Variants in CLIP4 observed in about 807,000 individuals in gnomAD.
CLIP4 encodes the protein CAP-Gly domain-containing linker protein 4.
CLIP4 carries 47 observed loss-of-function variants against 73.1 expected under a neutral mutation model. That is an observed-to-expected ratio of 0.64 (90% CI 0.51 to 0.82). The LOEUF (loss-of-function observed/expected upper bound fraction) is 0.82, where lower values mean the gene tolerates loss of function less well. CLIP4 is among the 40% of genes least tolerant of loss of function. The probability of loss-of-function intolerance (pLI) is 0.00; values close to 1 mark genes in which losing one functional copy is unlikely to be tolerated. For missense variants in CLIP4, 874 were observed against 852.9 expected (o/e 1.02, Z -0.31); for synonymous variants, 306 against 295.4 (o/e 1.04, Z -0.37).
upstream of CLIP4, among the ~76,000 whole-genome samples, chr2:29,112,755 C>T (rs968750315): frequency 2.0e-5 from 3 of 152,268 alleles, no homozygotes; most frequent in African/African-American, 7.2e-5. Context: ...TAGTTGAACT[C>T]CAATCTGGTG....
chr2:29,144,181 G>A (rs1040994878), intron 7 of CLIP4, among the ~76,000 whole-genome samples: 1 of 152,174 alleles, frequency 6.6e-6, no homozygotes, highest in Non-Finnish European at 1.5e-5. Flanking sequence ...AGAGTGGAGT[G>A]GAGTAGAACT....
At chr2:29,122,002 T>C (rs932679463) in intron 2 of CLIP4, among the ~76,000 whole-genome samples, 1 of 152,164 alleles carries the variant, frequency 6.6e-6, no homozygotes, top group African/African-American at 2.4e-5. Context: ...TATTTAGGCT[T>C]ATTTCTCCAG....
chr2:29,150,294 T>G (rs1558553426), intron 8 of CLIP4, among the ~76,000 whole-genome samples: 2 of 152,134 alleles, frequency 1.3e-5, no homozygotes, highest in African/African-American at 4.8e-5. Flanking sequence ...GAAGAGAAAG[T>G]ACAAAAAGGT....
Position 29,143,701 on chromosome 2 carries a change from A to T in CLIP4, c.649-8A>T. ...AGTTGAACATTTTTCTCTTATCTTT[A>T]TTTGTAGAATGACAAAGGACAGATC... On this transcript the variant is annotated splice_polypyrimidine_tract_variant and splice_region_variant and intron_variant, in intron 6 of 15. Transcript: ENST00000320081. The T allele has an allele frequency of 6.3e-7, 1 of 1,579,632 alleles. No homozygotes were observed. The highest frequency in any genetic ancestry group is 8.7e-7 in the Non-Finnish European group (1 of 1,149,402).
chr2:29,175,757 CTTTT>C (rs1276433868), intron 15 of CLIP4, among the ~76,000 whole-genome samples: 1 of 151,996 alleles, frequency 6.6e-6, no homozygotes, highest in Non-Finnish European at 1.5e-5. Context: ...AAACTTTTTT[CTTTT>C]TTTAATTTTT....
In CLIP4 at chr2:29,181,751, G is replaced by A. The variant is rs140795468; in HGVS notation, c.1976G>A (p.Arg659Gln). 5.6e-5 allele frequency: 90 copies of A among 1,614,000 alleles called. 1 individual carries two copies. In the Middle Eastern group the frequency reaches 2.1e-3, roughly 38 times the overall value. Residue 659 changes from arginine to glutamine, a missense_variant, in exon 16 of 16, where the codon CGA (arginine) becomes CAA (glutamine). Arg to Gln is a conservative substitution (Grantham distance 43, BLOSUM62 1). Transcript: ENST00000320081. ...ASGIWLGLEL[R>Q]SAKGKNDGSV... ...GGTATCTGGCTTGGACTTGAGCTCC[G>A]AAGCGCCAAGGGAAAAAATGATGGG...
At chr2:29,159,683 T>TAA (rs56927221) in intron 11 of CLIP4, among the ~76,000 whole-genome samples, 5,818 of 113,938 alleles carry the variant, frequency 0.051, 391 homozygotes, top group African/African-American at 0.16. Flanking sequence ...CCTGTTTCTT[T>TAA]AAAAAAAAAA....
At chr2:29,137,624 T>C (rs1210291403) in intron 6 of CLIP4, among the ~76,000 whole-genome samples, 1 of 152,212 alleles carries the variant, frequency 6.6e-6, no homozygotes, top group African/African-American at 2.4e-5. Flanking sequence ...CTGAACCAAT[T>C]TACATTCCCA....
intron 4 of CLIP4, 122 bp from the exon 5 acceptor site, chr2:29,133,532 AT>A (rs1665129316): frequency 2.6e-6 from 2 of 769,804 alleles, no homozygotes; most frequent in East Asian, 5.8e-5. Context: ...TGCAAGTGAA[AT>A]TTTTGAAGTG....
At chr2:29,120,392 A>G (rs1664172966) in intron 1 of CLIP4, among the ~76,000 whole-genome samples, 1 of 152,162 alleles carries the variant, frequency 6.6e-6, no homozygotes, top group Non-Finnish European at 1.5e-5. Flanking sequence ...GGTAAGGATA[A>G]TTGAGTTAGA....
At chr2:29,130,592 G>GTC in intron 2 of CLIP4, 2 of 1,116,406 alleles carry the variant, frequency 1.8e-6, no homozygotes, top group Non-Finnish European at 2.2e-6. Context: ...GCCAAGGTTT[G>GTC]TCTTGGCTTC....
intron 12 of CLIP4, among the ~76,000 whole-genome samples, chr2:29,163,071 A>G (rs532066455): frequency 6.6e-6 from 1 of 152,154 alleles, no homozygotes; most frequent in African/African-American, 2.4e-5. Flanking sequence ...CAATTAGAAA[A>G]TCCTTATTTT....
intron 13 of CLIP4, among the ~76,000 whole-genome samples, chr2:29,167,080 A>C (rs1667672262): frequency 3.3e-5 from 5 of 152,208 alleles, no homozygotes; most frequent in Admixed American, 2.6e-4. Flanking sequence ...CACTCACACA[A>C]ACTCAGCCAA....
At chr2:29,167,671 C>A (rs1187059687) in intron 14 of CLIP4, 131 bp downstream of exon 14, 3 of 584,198 alleles carry the variant, frequency 5.1e-6, no homozygotes, top group Non-Finnish European at 8.4e-6. Flanking sequence ...AATAATAGAA[C>A]AAACATCTGT....
intron 9 of CLIP4, among the ~76,000 whole-genome samples, chr2:29,154,504 TTCTGTTTTCTC>T (rs1666791954): frequency 6.6e-6 from 1 of 152,186 alleles, no homozygotes. Flanking sequence ...TTGGTTTTTC[TTCTGTTTTCTC>T]ACTGCTTGGC....
At position 29,167,498 on chromosome 2, in the gene CLIP4, C is replaced by G. The variant is rs1036337710; in HGVS notation, c.1681C>G (p.Leu561Val). The G allele has an allele frequency of 3.7e-6, 6 of 1,608,888 alleles. No homozygotes were observed. In the East Asian group the frequency reaches 1.3e-4, roughly 36 times the overall value. Reference sequence around the variant, plus strand: ...TAGAGTAACAGATTCCCTGGATACCCTTTCAGAAATTTCTTCAAATAAACA... The same window carrying G: ...TAGAGTAACAGATTCCCTGGATACCGTTTCAGAAATTTCTTCAAATAAACA... Reference protein sequence around the residue: ...VQRVTDSLDTLSEISSNKQNH... With the variant: ...VQRVTDSLDTVSEISSNKQNH... The change falls in exon 14 of 16, where the codon CTT becomes GTT. Residue 561 changes from leucine to valine, a missense_variant. By Grantham distance (32) the Leu-to-Val change is conservative (BLOSUM62 1). Coordinates refer to ENST00000320081, the MANE Select transcript of CLIP4 (RefSeq NM_024692.6).
intron 15 of CLIP4, among the ~76,000 whole-genome samples, chr2:29,179,076 T>A (rs1303085395): frequency 6.6e-6 from 1 of 152,268 alleles, no homozygotes; most frequent in Non-Finnish European, 1.5e-5. Flanking sequence ...ATTATAGGCA[T>A]GAGCCACTGC....
intron 9 of CLIP4, among the ~76,000 whole-genome samples, chr2:29,155,207 A>G (rs1666839190): frequency 1.3e-5 from 2 of 152,174 alleles, no homozygotes; most frequent in South Asian, 4.1e-4. Context: ...CTGAGGCAGG[A>G]GGATCACTTG....
chr2:29,156,514 C>T, intron 10 of CLIP4, 71 bp downstream of exon 10: 1 of 1,105,958 alleles, frequency 9.0e-7, no homozygotes. Context: ...GGTAGGAAAA[C>T]AGTTTATATG....
Sources: allele counts gnomAD v4.1 joint callset (sites outside exome capture counted in the v4.1 genomes callset), GRCh38; gene constraint gnomAD v4.1.1; transcripts MANE v1.5; gene names NCBI Gene and HGNC (gene_info 2026-07-23, HGNC 2026-07-21).